The following ACP6 variants were observed in gnomAD, a reference collection of about 807,000 sequenced individuals.
ACP6 encodes acid phosphatase 6, lysophosphatidic.
In ACP6, 48 loss-of-function variants were observed where a neutral mutation model predicts 48.1. The observed-to-expected ratio is 1.00, with a 90% CI of 0.79 to 1.27. ACP6 has a LOEUF of 1.27. Among genes scored for constraint, ACP6 ranks in the 50% most tolerant of loss-of-function variants. ACP6 has a pLI of 0.00. For missense variants in ACP6, 485 were observed against 529.1 expected (o/e 0.92, Z 0.82); for synonymous variants, 172 against 204.2 (o/e 0.84, Z 1.34).
At chr1:147,662,122 G>A (rs1173649518) in intron 1 of ACP6, among the ~76,000 whole-genome samples, 1 of 152,210 alleles carries the variant, frequency 6.6e-6, no homozygotes, top group Non-Finnish European at 1.5e-5. Context: ...CCACTGTTGA[G>A]ACCTACTGCT....
intron 5 of ACP6, 54 bp from the exon 6 acceptor site, chr1:147,654,380 A>G: frequency 6.3e-7 from 1 of 1,593,692 alleles, no homozygotes; most frequent in Non-Finnish European, 8.5e-7. Context: ...AACAGTTTAC[A>G]AAGTGTGCTT....
chr1:147,646,681 C>A lies in ACP6; in HGVS notation c.*742G>T, dbSNP rs1659634667. ...AGAGCCCTGGGGCCCACATTTGTTTCTGGAACTAAAACCACCAGGGGCCCA... is the reference window on the plus strand; with the variant it reads ...AGAGCCCTGGGGCCCACATTTGTTTATGGAACTAAAACCACCAGGGGCCCA... On this transcript the variant is annotated 3_prime_UTR_variant, in exon 10 of 10. Transcript: ENST00000583509. 6.6e-6 allele frequency: 1 copy of A among 152,300 alleles called. No homozygotes were observed. Among genetic ancestry groups the A allele is most frequent in the South Asian group, 2.1e-4 (1 of 4,824 alleles). The allele number at this position is 152,300 out of a possible 1,614,324, so 9.4% of individuals were successfully genotyped here. A position where few individuals can be genotyped will look rare whatever the true frequency, so the allele number is the denominator to read the frequency against.
chr1:147,652,805 CA>C (rs1163143616), intron 6 of ACP6, among the ~76,000 whole-genome samples: 1 of 135,490 alleles, frequency 7.4e-6, no homozygotes, highest in Non-Finnish European at 1.6e-5. Context: ...CCCATCCACT[CA>C]AAAATGAAAA....
chr1:147,650,111 G>T, intron 8 of ACP6, 32 bp downstream of exon 8: 1 of 1,584,396 alleles, frequency 6.3e-7, no homozygotes, highest in Non-Finnish European at 8.6e-7. Flanking sequence ...ACGGCCCTTA[G>T]CTGCACAAAG....
chr1:147,656,129 G>A (rs1553211579), intron 4 of ACP6, among the ~76,000 whole-genome samples: 4 of 152,178 alleles, frequency 2.6e-5, no homozygotes, highest in African/African-American at 9.7e-5. Flanking sequence ...TTTAAAAATA[G>A]CCTATAACTT....
chr1:147,666,445 A>G (rs1176682188), intron 1 of ACP6, among the ~76,000 whole-genome samples: 1 of 152,234 alleles, frequency 6.6e-6, no homozygotes, highest in African/African-American at 2.4e-5. Context: ...AAAAGAACAA[A>G]TCTACATAAA....
chr1:147,657,648 T>C (rs1570967770), intron 4 of ACP6, among the ~76,000 whole-genome samples: 2 of 152,282 alleles, frequency 1.3e-5, no homozygotes, highest in South Asian at 2.1e-4. Context: ...CTTGAACTCC[T>C]GATCTCATGA....
At chr1:147,638,777 G>C (rs1009753334), downstream of ACP6, among the ~76,000 whole-genome samples, 1 of 152,186 alleles carries the variant, frequency 6.6e-6, no homozygotes, top group Non-Finnish European at 1.5e-5. Flanking sequence ...CATGATCAAA[G>C]GACATTCCCT....
chr1:147,634,508 A>G (rs1570937069), intron 5 of ACP6, among the ~76,000 whole-genome samples: 1 of 151,834 alleles, frequency 6.6e-6, no homozygotes, highest in East Asian at 1.9e-4. Flanking sequence ...TTGGTATCAT[A>G]TCCAAGAAAT....
At chr1:147,667,332 C>T (rs1660848098) in intron 1 of ACP6, among the ~76,000 whole-genome samples, 2 of 152,132 alleles carry the variant, frequency 1.3e-5, no homozygotes, top group Non-Finnish European at 2.9e-5. Context: ...ATTCTCCTGC[C>T]TCAGCCTCCC....
intron 6 of ACP6, among the ~76,000 whole-genome samples, chr1:147,653,662 T>C (rs1553211068): frequency 1.3e-5 from 2 of 152,212 alleles, no homozygotes; most frequent in African/African-American, 4.8e-5. Context: ...GGATCCTATA[T>C]AACTTTGGAT....
At chr1:147,650,973 T>C (rs587661353) in intron 7 of ACP6, 4 of 152,222 alleles carry the variant, frequency 2.6e-5, no homozygotes, top group Admixed American at 2.0e-4. Context: ...TTTTTGTGCT[T>C]CTCACTTTTT....
At chr1:147,666,351 C>T (rs1660797868) in intron 1 of ACP6, among the ~76,000 whole-genome samples, 1 of 152,182 alleles carries the variant, frequency 6.6e-6, no homozygotes, top group African/African-American at 2.4e-5. Flanking sequence ...TCCTAGTTCT[C>T]TCAACACAGA....
intron 5 of ACP6, among the ~76,000 whole-genome samples, chr1:147,632,596 C>A (rs1041619265): frequency 6.6e-6 from 1 of 151,934 alleles, no homozygotes; most frequent in African/African-American, 2.4e-5. Context: ...CAAAATTGAT[C>A]ATGTGCACAA....
At position 147,654,076 on chromosome 1, in the gene ACP6, G is replaced by A; in HGVS notation, c.780+118C>T. The A allele has an allele frequency of 2.0e-6, 3 of 1,500,760 alleles. No homozygotes were observed. In the South Asian group the frequency reaches 4.0e-5, roughly 20 times the overall value. The allele number at this position is 1,500,760 out of a possible 1,614,324, so 93.0% of individuals were successfully genotyped here. A position where few individuals can be genotyped will look rare whatever the true frequency, so the allele number is the denominator to read the frequency against. On this transcript the variant is annotated intron_variant, in intron 6 of 9. Coordinates refer to ENST00000583509, the MANE Select transcript of ACP6 (RefSeq NM_016361.5). ...GTCCCCACACCCATTCTATCTGTAG[G>A]TCTTATCACAGTTGCCTTCAAACCA... is the stretch of plus-strand genomic sequence containing the variant.
intron 5 of ACP6, among the ~76,000 whole-genome samples, chr1:147,636,183 A>G (rs1353708089): frequency 1.3e-5 from 2 of 152,230 alleles, no homozygotes; most frequent in African/African-American, 2.4e-5. Flanking sequence ...AGAGGCAAAG[A>G]GATACTGAGT....
At chr1:147,664,881 T>C (rs1185362634) in intron 1 of ACP6, among the ~76,000 whole-genome samples, 1 of 152,176 alleles carries the variant, frequency 6.6e-6, no homozygotes, top group Non-Finnish European at 1.5e-5. Flanking sequence ...AGGAGAAGTT[T>C]CATTGAGGGA....
intron 1 of ACP6, among the ~76,000 whole-genome samples, chr1:147,662,261 G>A (rs1048463947): frequency 5.3e-5 from 8 of 151,800 alleles, no homozygotes; most frequent in African/African-American, 1.9e-4. Flanking sequence ...TGTCCTTTCT[G>A]CAGCCCATGG....
chr1:147,661,783 A>G (rs1272071227), intron 1 of ACP6, among the ~76,000 whole-genome samples: 1 of 152,236 alleles, frequency 6.6e-6, no homozygotes, highest in Admixed American at 6.5e-5. Context: ...CACACAAACA[A>G]TGAGAAAGTG....
Sources: allele counts gnomAD v4.1 joint callset (sites outside exome capture counted in the v4.1 genomes callset), GRCh38; gene constraint gnomAD v4.1.1; transcripts MANE v1.5; gene names NCBI Gene and HGNC (gene_info 2026-07-23, HGNC 2026-07-21).